FGF12: variants seen among roughly 807,000 people sequenced by gnomAD.
FGF12 encodes fibroblast growth factor 12.
A neutral mutation model predicts 23.6 loss-of-function variants in FGF12; 14 were observed. The ratio of observed to expected loss-of-function variants is 0.59; its 90% CI spans 0.39 to 0.93. The LOEUF is 0.93. Ranked by LOEUF, FGF12 falls within the 40% of genes least tolerant of loss-of-function variation. The pLI, the probability that FGF12 is intolerant of heterozygous loss-of-function variation, is 0.00. For synonymous variants in FGF12, 62 were observed against 77.3 expected (o/e 0.80, Z 1.04); for missense variants, 175 against 217.8 (o/e 0.80, Z 1.24).
intron 4 of FGF12, among the ~76,000 whole-genome samples, chr3:192,215,311 A>C (rs1205813024): frequency 3.3e-5 from 5 of 152,164 alleles, no homozygotes; most frequent in Non-Finnish European, 5.9e-5. Flanking sequence ...CCAATGAAGA[A>C]GGGAGAGAGG....
chr3:192,488,517 T>C (rs1255672692), intron 2 of FGF12, among the ~76,000 whole-genome samples: 3 of 152,036 alleles, frequency 2.0e-5, no homozygotes, highest in African/African-American at 7.2e-5. Context: ...CAATACCACA[T>C]TGGAAATGAC....
chr3:192,613,420 T>C (rs2108641520), intron 2 of FGF12, among the ~76,000 whole-genome samples: 2 of 152,044 alleles, frequency 1.3e-5, no homozygotes, highest in African/African-American at 4.8e-5. Flanking sequence ...AAGTGTTTGC[T>C]ATAAAAATAT....
intron 2 of FGF12, among the ~76,000 whole-genome samples, chr3:192,491,462 A>C (rs1343024826): frequency 2.0e-5 from 3 of 152,152 alleles, no homozygotes; most frequent in African/African-American, 7.2e-5. Context: ...GCAATTCTTA[A>C]GGCAGCTGTA....
intron 2 of FGF12, among the ~76,000 whole-genome samples, chr3:192,720,665 T>G (rs1359362730): frequency 6.6e-6 from 1 of 152,154 alleles, no homozygotes; most frequent in Non-Finnish European, 1.5e-5. Flanking sequence ...AAATGAAATC[T>G]CTCTTCTACA....
chr3:192,522,832 C>T (rs1370382940), intron 2 of FGF12, among the ~76,000 whole-genome samples: 1 of 152,058 alleles, frequency 6.6e-6, no homozygotes, highest in Non-Finnish European at 1.5e-5. Context: ...ATATAGTTTG[C>T]CACAATTTGT....
rs192109118 is a variant in FGF12, at chr3:192,225,292, T to C, written c.229-54636A>G. Among the ~76,000 whole-genome samples, 154 of 152,236 alleles carry C rather than the reference T, an allele frequency of 1.0e-3. 1 individual carries two copies. The highest frequency in any genetic ancestry group is 3.5e-3 in the African/African-American group (144 of 41,544). ...CGCTCTGCACTCAATATTTTGCATA[T>C]TTCTCCTCTATTCCATCGTCATTCT... On this transcript the variant is annotated intron_variant, in intron 4 of 5. Transcript: ENST00000445105.
At chr3:192,557,396 G>A (rs1711831756) in intron 2 of FGF12, among the ~76,000 whole-genome samples, 1 of 151,668 alleles carries the variant, frequency 6.6e-6, no homozygotes, top group Non-Finnish European at 1.5e-5. Flanking sequence ...CCAATTACAG[G>A]TAAGGAGATT....
chr3:192,275,730 A>G (rs569450683), intron 4 of FGF12, among the ~76,000 whole-genome samples: 2 of 152,322 alleles, frequency 1.3e-5, no homozygotes, highest in Admixed American at 6.5e-5. Flanking sequence ...AAACAACTAG[A>G]AATGTACTTT....
At position 192,340,920 on chromosome 3, in the gene FGF12, C is replaced by T. The variant is rs187855387; in HGVS notation, c.125-5456G>A. Among the ~76,000 whole-genome samples, 231 of 151,986 alleles carry T rather than the reference C, an allele frequency of 1.5e-3. 1 individual carries two copies. Among genetic ancestry groups the T allele is most frequent in the Non-Finnish European group, 3.0e-3 (201 of 67,934 alleles). Reference sequence around the variant, plus strand: ...TAGCAATGATTTATTTCTTGGATAACGAAAAGCACAGGCAAATGAAAGCAA... The same window carrying T: ...TAGCAATGATTTATTTCTTGGATAATGAAAAGCACAGGCAAATGAAAGCAA... On this transcript the variant is annotated intron_variant, in intron 3 of 5. Coordinates refer to ENST00000445105, the MANE Select transcript of FGF12 (RefSeq NM_004113.6).
Position 192,360,113 on chromosome 3 carries a change from A to G in FGF12, c.124+315T>C, listed in dbSNP as rs1718652531. ...GGATTTAAATACCATCTTGTGTTGG[A>G]AGATGTGCTTGTATTGTTCCTAGGA... is the stretch of plus-strand genomic sequence containing the variant. On this transcript the variant is annotated intron_variant, in intron 3 of 5. Transcript: ENST00000445105. The surrounding 1 kb of genome is among the most constrained non-coding windows in gnomAD (Gnocchi z 4.3). Among the ~76,000 whole-genome samples, 1 of 152,186 alleles carries G rather than the reference A, an allele frequency of 6.6e-6. No homozygotes were observed. Among genetic ancestry groups the G allele is most frequent in the African/African-American group, 2.4e-5 (1 of 41,540 alleles).
chr3:192,512,859 T>TATATATATATATAAAA (rs376386122), intron 2 of FGF12, among the ~76,000 whole-genome samples: 11 of 57,412 alleles, frequency 1.9e-4, no homozygotes, highest in East Asian at 3.9e-4. Context: ...TATATATATA[T>TATATATATATATAAAA]AACAGGCTAT....
intron 2 of FGF12, among the ~76,000 whole-genome samples, chr3:192,470,713 G>A (rs762229197): frequency 2.6e-4 from 40 of 152,236 alleles, no homozygotes; most frequent in Middle Eastern, 3.4e-3. Context: ...GATAACTGTC[G>A]TGAACATTCA....
At chr3:192,379,602 C>T (rs998927185) in intron 2 of FGF12, among the ~76,000 whole-genome samples, 48 of 152,148 alleles carry the variant, frequency 3.2e-4, no homozygotes, top group Non-Finnish European at 6.2e-4. Context: ...AGAATGACAT[C>T]GAAATTTCAC....
chr3:192,318,599 CA>C lies in FGF12; in HGVS notation c.228+16761del, dbSNP rs199595058. On this transcript the variant is annotated intron_variant, in intron 4 of 5. Coordinates refer to ENST00000445105, the MANE Select transcript of FGF12 (RefSeq NM_004113.6). ...GCCTACAAGATCTAGAAAATAACAT[CA>C]AAAGTACAAATCTAAGAGTTGTTGG... Among the ~76,000 whole-genome samples the C allele has an allele frequency of 3.9e-5, 6 of 151,920 alleles. No individual in the cohort carries two copies. The East Asian group carries it at 1.2e-3, about 29-fold the overall frequency.
At chr3:192,715,282 A>G (rs1300439684) in intron 2 of FGF12, among the ~76,000 whole-genome samples, 1 of 152,184 alleles carries the variant, frequency 6.6e-6, no homozygotes, top group Non-Finnish European at 1.5e-5. Flanking sequence ...ATGATTCATC[A>G]TCTACTGTGT....
chr3:192,233,973 A>G (rs1028851579), intron 4 of FGF12, among the ~76,000 whole-genome samples: 1 of 152,144 alleles, frequency 6.6e-6, no homozygotes, highest in Non-Finnish European at 1.5e-5. Context: ...ACCCTGTAAT[A>G]TAGTTTGAAG....
intron 2 of FGF12, among the ~76,000 whole-genome samples, chr3:192,503,797 G>A (rs987031700): frequency 1.3e-5 from 2 of 151,794 alleles, no homozygotes; most frequent in East Asian, 1.9e-4. Flanking sequence ...TAGTAGAGAC[G>A]GGGTTTCACT....
intron 4 of FGF12, among the ~76,000 whole-genome samples, chr3:192,188,452 A>G (rs1002791558): frequency 2.6e-5 from 4 of 152,198 alleles, no homozygotes; most frequent in Admixed American, 6.5e-5. Context: ...CCAAGAGGCT[A>G]CAGTTGGTGG....
chr3:192,569,662 A>G (rs1203961816), intron 2 of FGF12, among the ~76,000 whole-genome samples: 1 of 152,224 alleles, frequency 6.6e-6, no homozygotes, highest in Admixed American at 6.5e-5. Flanking sequence ...ATTTTACGGA[A>G]GAGGAAATTG....
Sources: gnomAD v4.1 joint callset for allele counts (sites outside exome capture counted in the v4.1 genomes callset) on GRCh38, gnomAD v4.1.1 for gene constraint, Gnocchi (gnomAD v3.1) non-coding constraint, MANE v1.5 for transcripts, NCBI Gene and HGNC (gene_info 2026-07-23, HGNC 2026-07-21) for gene names.